The following SHISA9 variants were observed in gnomAD, a reference collection of about 807,000 sequenced individuals.
SHISA9 encodes the protein protein shisa-9.
A neutral mutation model predicts 38.0 loss-of-function variants in SHISA9; 13 were observed. That is an observed-to-expected ratio of 0.34 (90% CI 0.22 to 0.54). The LOEUF is 0.54. Ranked by LOEUF, SHISA9 falls within the 20% of genes least tolerant of loss-of-function variation. The pLI, the probability that SHISA9 is intolerant of heterozygous loss-of-function variation, is 0.91. For missense variants in SHISA9, 538 were observed against 575.8 expected, an observed-to-expected ratio of 0.93 and a Z score of 0.67; for synonymous variants, 275 against 242.0, an observed-to-expected ratio of 1.14 and a Z score of -1.27.
chr16:13,548,462 A>C, the SHISA9 span, among the ~76,000 whole-genome samples: 3 of 152,248 alleles, frequency 2.0e-5, no homozygotes, highest in Non-Finnish European at 4.4e-5. Flanking sequence ...TATGCATCTG[A>C]CAAGAGGTTA....
At chr16:13,394,004 G>A in the SHISA9 span, among the ~76,000 whole-genome samples, 2 of 152,294 alleles carry the variant, frequency 1.3e-5, no homozygotes, top group East Asian at 3.9e-4. Context: ...TGGGCAACGT[G>A]ACCTTCCCAC....
At chr16:13,269,722 T>G in the SHISA9 span, among the ~76,000 whole-genome samples, 1 of 151,808 alleles carries the variant, frequency 6.6e-6, no homozygotes, top group South Asian at 2.1e-4. Flanking sequence ...ATACTAGAGG[T>G]GGTATGGATA....
chr16:13,550,450 G>A, the SHISA9 span, among the ~76,000 whole-genome samples: 10 of 152,132 alleles, frequency 6.6e-5, no homozygotes, highest in African/African-American at 1.4e-4. Flanking sequence ...AAATGTCCTC[G>A]TCATCATTTT....
At chr16:12,913,031 G>C (rs1374441300) in intron 1 of SHISA9, among the ~76,000 whole-genome samples, 2 of 150,538 alleles carry the variant, frequency 1.3e-5, no homozygotes, top group Non-Finnish European at 2.9e-5. Flanking sequence ...GATTTACACC[G>C]AATCTCTCCC....
the SHISA9 span, among the ~76,000 whole-genome samples, chr16:13,440,878 T>A: frequency 4.0e-5 from 6 of 150,114 alleles, no homozygotes; most frequent in African/African-American, 1.5e-4. Context: ...GCTGAGATCG[T>A]GCCACTGCAC....
At chr16:13,185,106 T>C (rs2050809183) in intron 2 of SHISA9, among the ~76,000 whole-genome samples, 1 of 152,230 alleles carries the variant, frequency 6.6e-6, no homozygotes, top group Non-Finnish European at 1.5e-5. Flanking sequence ...GATTTGTGTT[T>C]TGGTTTCTGT....
chr16:13,421,651 C>T, the SHISA9 span, among the ~76,000 whole-genome samples: 1 of 152,138 alleles, frequency 6.6e-6, no homozygotes, highest in Admixed American at 6.5e-5. Flanking sequence ...AAACTTCATC[C>T]AATAGAACAA....
chr16:13,197,126 C>CACACACACACACACACACACACACAG (rs1441162397), intron 2 of SHISA9, among the ~76,000 whole-genome samples: 2 of 150,246 alleles, frequency 1.3e-5, no homozygotes, highest in African/African-American at 4.9e-5. Context: ...CACACACACA[C>CACACACACACACACACACACACACAG]ACACACACAC....
intron 2 of SHISA9, among the ~76,000 whole-genome samples, chr16:13,057,390 G>A (rs1180668049): frequency 6.6e-6 from 1 of 152,120 alleles, no homozygotes; most frequent in African/African-American, 2.4e-5. Context: ...CTAATTGCCT[G>A]GGGGGTTTAT....
chr16:13,011,982 C>A (rs897973823), intron 2 of SHISA9, among the ~76,000 whole-genome samples: 5 of 152,104 alleles, frequency 3.3e-5, no homozygotes, highest in African/African-American at 9.7e-5. Flanking sequence ...TGAGCCGCCA[C>A]ACCCAGCTAA....
Position 13,238,507 on chromosome 16 carries a change from A to T in SHISA9, c.*3098A>T, listed in dbSNP as rs2051406536. The stretch of plus-strand genomic sequence containing the variant: ...GATTAAGAGTCTTTCTTGGCCTCTA[A>T]ATCTGTAGTATTGTATTCCTTCTGC... On this transcript the variant is annotated 3_prime_UTR_variant, in exon 5 of 5. Transcript: ENST00000558583. 1 of 152,016 alleles carries T rather than the reference A, an allele frequency of 6.6e-6. No homozygotes were observed. The highest frequency in any genetic ancestry group is 2.1e-4 in the South Asian group (1 of 4,818). 9.4% of individuals were successfully genotyped at this position (152,016 alleles called of 1,614,324 possible).
chr16:13,075,798 A>G (rs937420544), intron 2 of SHISA9, among the ~76,000 whole-genome samples: 4 of 152,174 alleles, frequency 2.6e-5, no homozygotes, highest in African/African-American at 7.2e-5. Context: ...GTAAGACAGA[A>G]GCAGGATGTG....
At chr16:13,048,087 C>G (rs1332932113) in intron 2 of SHISA9, among the ~76,000 whole-genome samples, 1 of 152,204 alleles carries the variant, frequency 6.6e-6, no homozygotes, top group Non-Finnish European at 1.5e-5. Flanking sequence ...GGAGACCACG[C>G]TCCAAACCAG....
chr16:12,952,282 T>C (rs1370931419), intron 2 of SHISA9, among the ~76,000 whole-genome samples: 1 of 152,214 alleles, frequency 6.6e-6, no homozygotes, highest in African/African-American at 2.4e-5. Context: ...TAGGCTGGAA[T>C]TGGATGTCTC....
At chr16:13,013,327 C>A (rs2072701775) in intron 2 of SHISA9, among the ~76,000 whole-genome samples, 1 of 152,126 alleles carries the variant, frequency 6.6e-6, no homozygotes, top group Admixed American at 6.5e-5. Context: ...ACGCCTATAG[C>A]CCTTTGTTTC....
chr16:13,375,736 A>C, the SHISA9 span, among the ~76,000 whole-genome samples: 1 of 152,232 alleles, frequency 6.6e-6, no homozygotes, highest in Admixed American at 6.5e-5. Context: ...TGTACACTAA[A>C]CACTACAACA....
the SHISA9 span, among the ~76,000 whole-genome samples, chr16:13,318,187 A>G: frequency 6.6e-6 from 1 of 152,120 alleles, no homozygotes; most frequent in East Asian, 1.9e-4. Flanking sequence ...ACCTCATACT[A>G]TTGACATTTT....
the SHISA9 span, among the ~76,000 whole-genome samples, chr16:13,537,077 A>C: frequency 6.6e-6 from 1 of 152,226 alleles, no homozygotes; most frequent in Non-Finnish European, 1.5e-5. Flanking sequence ...ATGACCTAAA[A>C]TCCTGGAAAA....
At chr16:13,143,483 A>G (rs1567226213) in intron 2 of SHISA9, among the ~76,000 whole-genome samples, 1 of 152,216 alleles carries the variant, frequency 6.6e-6, no homozygotes. Flanking sequence ...AGGAAAGGCC[A>G]GTGGGTCAGC....
Sources: allele counts gnomAD v4.1 joint callset (sites outside exome capture counted in the v4.1 genomes callset), GRCh38; gene constraint gnomAD v4.1.1; transcripts MANE v1.5; gene names NCBI Gene and HGNC (gene_info 2026-07-23, HGNC 2026-07-21).